Variants in FANK1 observed in about 807,000 individuals in gnomAD.
FANK1 encodes fibronectin type 3 and ankyrin repeat domains protein 1.
In FANK1, 44 loss-of-function variants were observed where a neutral mutation model predicts 45.3. The ratio of observed to expected loss-of-function variants is 0.97; its 90% CI spans 0.76 to 1.25. The LOEUF is 1.25. FANK1 is among the 50% of genes most tolerant of loss of function. The probability of loss-of-function intolerance (pLI) is 0.00; values close to 1 mark genes in which losing one functional copy is unlikely to be tolerated. For synonymous variants in FANK1, 149 were observed against 152.5 expected, an observed-to-expected ratio of 0.98 and a Z score of 0.17; for missense variants, 391 against 424.4, an observed-to-expected ratio of 0.92 and a Z score of 0.69.
intron 1 of FANK1, chr10:125,907,376 T>G (rs1945611614): frequency 1.1e-5 from 5 of 471,928 alleles, no homozygotes; most frequent in Non-Finnish European, 1.1e-5. Flanking sequence ...ATTTATTATC[T>G]GTGATAGGCA....
intron 1 of FANK1, among the ~76,000 whole-genome samples, chr10:125,942,353 G>A (rs1948502906): frequency 1.3e-5 from 2 of 152,152 alleles, no homozygotes; most frequent in South Asian, 2.1e-4. Flanking sequence ...TAACAAACCT[G>A]CACGTCCTGC....
intron 6 of FANK1, among the ~76,000 whole-genome samples, chr10:125,998,708 G>T (rs1388560939): frequency 1.3e-5 from 2 of 151,944 alleles, no homozygotes; most frequent in Non-Finnish European, 2.9e-5. Context: ...AGAAGTTTGT[G>T]TCTATAATAG....
At chr10:125,997,015 G>GA (rs1952383381) in intron 5 of FANK1, among the ~76,000 whole-genome samples, 1 of 151,800 alleles carries the variant, frequency 6.6e-6, no homozygotes, top group Non-Finnish European at 1.5e-5. Context: ...GTTCCACACA[G>GA]AGATAAGTAT....
chr10:125,933,531 G>C (rs1220513264), intron 1 of FANK1, among the ~76,000 whole-genome samples: 3 of 151,932 alleles, frequency 2.0e-5, no homozygotes, highest in Non-Finnish European at 4.4e-5. Flanking sequence ...TTCTCTTCTT[G>C]GTTAATCTTG....
chr10:125,900,091 G>C (rs373257765), intron 1 of FANK1, among the ~76,000 whole-genome samples: 2,046 of 132,672 alleles, frequency 0.015, no homozygotes, highest in South Asian at 0.043. Context: ...TCATACTCTT[G>C]GCAGCAAGCA....
At chr10:125,992,770 C>T (rs1252821397) in intron 3 of FANK1, among the ~76,000 whole-genome samples, 3 of 151,916 alleles carry the variant, frequency 2.0e-5, no homozygotes, top group African/African-American at 4.8e-5. Flanking sequence ...GTAGAGGGGT[C>T]GGTGTAGAGA....
chr10:125,924,725 C>G (rs1947215777), intron 1 of FANK1, among the ~76,000 whole-genome samples: 1 of 146,272 alleles, frequency 6.8e-6, no homozygotes, highest in Admixed American at 7.1e-5. Flanking sequence ...GGGAGGCTCA[C>G]TTGAGCACAG....
intron 1 of FANK1, among the ~76,000 whole-genome samples, chr10:125,935,360 A>G (rs1259671815): frequency 2.6e-5 from 4 of 152,230 alleles, no homozygotes; most frequent in Admixed American, 2.6e-4. Flanking sequence ...CAGAAGCCTT[A>G]CATATTTACT....
intron 1 of FANK1, among the ~76,000 whole-genome samples, chr10:125,936,583 A>T (rs1376155952): frequency 1.3e-5 from 2 of 152,178 alleles, no homozygotes; most frequent in Non-Finnish European, 2.9e-5. Flanking sequence ...CTCTGTGTAA[A>T]TAGAAGTATA....
rs138207169 is a variant in FANK1 at position 125,961,499 on chromosome 10, A to G, written c.14-18662A>G. Among the ~76,000 whole-genome samples, 110 of 152,330 alleles carry G rather than the reference A, an allele frequency of 7.2e-4. No homozygotes were observed. The South Asian group carries it at 0.01, about 14-fold the overall frequency. On this transcript the variant is annotated intron_variant, in intron 1 of 10. Coordinates refer to ENST00000368693, the MANE Select transcript of FANK1 (RefSeq NM_145235.5). Reference sequence around the variant, plus strand: ...GTGATGCTGGGAAAACTAGATATCCATAGGCAGAAGAATGAAAATAGACCC... The same window carrying G: ...GTGATGCTGGGAAAACTAGATATCCGTAGGCAGAAGAATGAAAATAGACCC...
intron 2 of FANK1, among the ~76,000 whole-genome samples, chr10:125,984,129 T>C (rs964777596): frequency 6.6e-6 from 1 of 152,106 alleles, no homozygotes; most frequent in African/African-American, 2.4e-5. Flanking sequence ...GCTGGAAGCA[T>C]CAGCGTCACA....
At chr10:125,933,823 A>G (rs1444128442) in intron 1 of FANK1, among the ~76,000 whole-genome samples, 1 of 152,130 alleles carries the variant, frequency 6.6e-6, no homozygotes, top group Non-Finnish European at 1.5e-5. Context: ...AGGCTTTGAT[A>G]GGTTGTGTCA....
At chr10:125,907,970 G>A (rs533597477) in intron 1 of FANK1, among the ~76,000 whole-genome samples, 35 of 151,232 alleles carry the variant, frequency 2.3e-4, no homozygotes, top group African/African-American at 8.3e-4. Context: ...CAGAAAATAC[G>A]AGAGAATAAA....
At chr10:125,913,339 T>C (rs1419193744) in intron 1 of FANK1, among the ~76,000 whole-genome samples, 4 of 151,680 alleles carry the variant, frequency 2.6e-5, no homozygotes, top group African/African-American at 9.8e-5. Context: ...AAATGCTGCA[T>C]GACACCCAAA....
At chr10:125,980,603 A>C in intron 2 of FANK1, 1 of 383,584 alleles carries the variant, frequency 2.6e-6, no homozygotes, top group Non-Finnish European at 4.7e-6. Flanking sequence ...GTAGAGACAG[A>C]CTCAAACAAT....
intron 1 of FANK1, among the ~76,000 whole-genome samples, chr10:125,975,314 C>A (rs1950790102): frequency 6.6e-6 from 1 of 152,182 alleles, no homozygotes; most frequent in Non-Finnish European, 1.5e-5. Context: ...CATTCACATG[C>A]ATGTGTGTTT....
chr10:125,952,890 A>G (rs956960427), intron 1 of FANK1, among the ~76,000 whole-genome samples: 1 of 150,414 alleles, frequency 6.6e-6, no homozygotes, highest in Non-Finnish European at 1.5e-5. Flanking sequence ...TGGTGGACTC[A>G]TTAAAGGCTG....
chr10:125,996,468 C>CT, intron 4 of FANK1, 82 bp from the exon 5 acceptor site: 2 of 1,320,926 alleles, frequency 1.5e-6, no homozygotes, highest in Non-Finnish European at 2.2e-6. Flanking sequence ...TTTTACCCAC[C>CT]TAAGCCCTGT....
At chr10:125,952,079 C>A (rs1189257947) in intron 1 of FANK1, among the ~76,000 whole-genome samples, 1 of 152,010 alleles carries the variant, frequency 6.6e-6, no homozygotes, top group African/African-American at 2.4e-5. Flanking sequence ...CAGATAAGTT[C>A]AGGTGTGCAT....
Sources: allele counts gnomAD v4.1 joint callset (sites outside exome capture counted in the v4.1 genomes callset), GRCh38; gene constraint gnomAD v4.1.1; transcripts MANE v1.5; gene names NCBI Gene and HGNC (gene_info 2026-07-23, HGNC 2026-07-21).